PLCB1: variants seen among roughly 807,000 people sequenced by gnomAD.
PLCB1 encodes 1-phosphatidylinositol 4,5-bisphosphate phosphodiesterase beta-1.
A neutral mutation model predicts 161.8 loss-of-function variants in PLCB1; 46 were observed. That is an observed-to-expected ratio of 0.28 (90% CI 0.22 to 0.36). PLCB1 has a LOEUF of 0.36. PLCB1 is among the 10% of genes least tolerant of loss of function. The probability of loss-of-function intolerance (pLI) is 1.00; values close to 1 mark genes in which losing one functional copy is unlikely to be tolerated. For synonymous variants in PLCB1, 517 were observed against 503.7 expected (o/e 1.03, Z -0.35); for missense variants, 1,016 against 1,472.5 (o/e 0.69, Z 5.07).
chr20:8,557,239 T>G (rs1985995563), intron 3 of PLCB1, among the ~76,000 whole-genome samples: 2 of 151,972 alleles, frequency 1.3e-5, no homozygotes, highest in African/African-American at 4.8e-5. Context: ...AACAGGCATT[T>G]GTACACTCAT....
At chr20:8,484,447 C>T (rs181525828) in intron 3 of PLCB1, among the ~76,000 whole-genome samples, 210 of 151,352 alleles carry the variant, frequency 1.4e-3, no homozygotes, top group African/African-American at 5.0e-3. Flanking sequence ...CAGCAACCTC[C>T]ACCTCCTGGG....
At chr20:8,758,230 T>TAA (rs11481234) in intron 24 of PLCB1, among the ~76,000 whole-genome samples, 5,846 of 141,686 alleles carry the variant, frequency 0.041, 180 homozygotes, top group Non-Finnish European at 0.061. Flanking sequence ...GAAAGAGAAT[T>TAA]AAAAAAAAAA....
chr20:8,631,403 C>T (rs1285013282), intron 4 of PLCB1, among the ~76,000 whole-genome samples: 3 of 152,178 alleles, frequency 2.0e-5, no homozygotes, highest in Non-Finnish European at 2.9e-5. Context: ...ACCAAAAAAA[C>T]ATTAACTATG....
intron 27 of PLCB1, among the ~76,000 whole-genome samples, chr20:8,787,753 C>T (rs1268166408): frequency 6.6e-6 from 1 of 152,224 alleles, no homozygotes; most frequent in Non-Finnish European, 1.5e-5. Flanking sequence ...CAATTGATGC[C>T]CCCTTGGGGC....
intron 3 of PLCB1, among the ~76,000 whole-genome samples, chr20:8,559,189 T>A (rs6055900): frequency 0.6 from 90,517 of 151,664 alleles, 27,900 homozygotes; most frequent in African/African-American, 0.72. Context: ...CAAAAACAAT[T>A]TAAAGAAAGA....
chr20:8,646,330 C>T, intron 5 of PLCB1, 149 bp downstream of exon 5: 1 of 626,956 alleles, frequency 1.6e-6, no homozygotes. Flanking sequence ...ACTGATACCT[C>T]CCCTGTTCAG....
intron 2 of PLCB1, among the ~76,000 whole-genome samples, chr20:8,367,059 AT>A (rs1198577478): frequency 6.6e-6 from 1 of 152,216 alleles, no homozygotes; most frequent in East Asian, 1.9e-4. Context: ...ATATGATTTA[AT>A]CCTAAAGAGA....
chr20:8,778,545 C>G (rs1983055010), intron 27 of PLCB1, among the ~76,000 whole-genome samples: 1 of 152,122 alleles, frequency 6.6e-6, no homozygotes. Flanking sequence ...TACCATATGT[C>G]CTTCCACTTC....
chr20:8,395,604 CAT>C (rs1987747529), intron 3 of PLCB1, among the ~76,000 whole-genome samples: 1 of 152,000 alleles, frequency 6.6e-6, no homozygotes. Flanking sequence ...GGATATTTCA[CAT>C]GAGTTGGTGG....
chr20:8,773,581 TA>T (rs1197815134), intron 26 of PLCB1, among the ~76,000 whole-genome samples: 1 of 152,232 alleles, frequency 6.6e-6, no homozygotes, highest in African/African-American at 2.4e-5. Context: ...TTTCCCCTTG[TA>T]AGCTTTGTGT....
chr20:8,716,310 G>A lies in PLCB1; in HGVS notation c.1297G>A (p.Gly433Arg), dbSNP rs1979306881. 1 of 1,613,904 alleles carries A rather than the reference G, an allele frequency of 6.2e-7. No homozygotes were observed. The highest frequency in any genetic ancestry group is 1.7e-5 in the Admixed American group (1 of 60,000). ...GGCGGAGTACTGCCGACTGATCTTT[G>A]GGGATGCCCTTCTCATGGAGCCCCT... ...KMAEYCRLIF[G>R]DALLMEPLEK... The change falls in exon 13 of 32, where the codon GGG (glycine) becomes AGG (arginine). Residue 433 changes from glycine to arginine, a missense_variant. Transcript: ENST00000338037.
chr20:8,589,898 C>T (rs1385077908), intron 3 of PLCB1, among the ~76,000 whole-genome samples: 1 of 152,094 alleles, frequency 6.6e-6, no homozygotes, highest in Non-Finnish European at 1.5e-5. Flanking sequence ...GGATTACAGG[C>T]ATGAGCCACC....
chr20:8,627,069 A>G (rs1283277834), intron 3 of PLCB1, among the ~76,000 whole-genome samples: 1 of 152,184 alleles, frequency 6.6e-6, no homozygotes, highest in African/African-American at 2.4e-5. Flanking sequence ...GATGTACTTG[A>G]TAAGGTTTCA....
At chr20:8,440,378 G>A (rs934915085) in intron 3 of PLCB1, among the ~76,000 whole-genome samples, 2 of 152,154 alleles carry the variant, frequency 1.3e-5, no homozygotes, top group South Asian at 2.1e-4. Context: ...TGTTTTTATT[G>A]TCTGTAAAAA....
chr20:8,644,368 GCCAT>G (rs1989073799), intron 4 of PLCB1, among the ~76,000 whole-genome samples: 3 of 148,430 alleles, frequency 2.0e-5, no homozygotes, highest in African/African-American at 7.6e-5. Flanking sequence ...CTTCCCGGCC[GCCAT>G]CCCATCTAGG....
chr20:8,706,545 T>C (rs1227963654), intron 11 of PLCB1, among the ~76,000 whole-genome samples: 1 of 152,220 alleles, frequency 6.6e-6, no homozygotes, highest in Non-Finnish European at 1.5e-5. Flanking sequence ...CTTTACCTGA[T>C]ACACTAGTGC....
chr20:8,160,122 C>A (rs2327027), intron 2 of PLCB1, among the ~76,000 whole-genome samples: 27,099 of 151,898 alleles, frequency 0.18, 2,548 homozygotes, highest in African/African-American at 0.23. Context: ...TAAAACATAA[C>A]AAGAGTGTCC....
chr20:8,325,281 T>C (rs1229817124), intron 2 of PLCB1, among the ~76,000 whole-genome samples: 2 of 152,216 alleles, frequency 1.3e-5, no homozygotes, highest in African/African-American at 4.8e-5. Context: ...TGAGCTAAGA[T>C]TGATGCATTC....
At chr20:8,691,535 T>G (rs1229985417) in intron 10 of PLCB1, among the ~76,000 whole-genome samples, 1 of 152,144 alleles carries the variant, frequency 6.6e-6, no homozygotes, top group African/African-American at 2.4e-5. Flanking sequence ...CAACTCTTCA[T>G]CCTCCTTGTC....
Sources: allele counts gnomAD v4.1 joint callset (sites outside exome capture counted in the v4.1 genomes callset), GRCh38; gene constraint gnomAD v4.1.1; transcripts MANE v1.5; gene names NCBI Gene and HGNC (gene_info 2026-07-23, HGNC 2026-07-21).